The following PCDH10 variants were observed in gnomAD, a reference collection of about 807,000 sequenced individuals.
PCDH10 encodes the protein protocadherin-10.
In PCDH10, 15 loss-of-function variants were observed where a neutral mutation model predicts 74.4. That is an observed-to-expected ratio of 0.20 (90% confidence interval 0.13 to 0.31). PCDH10 has a LOEUF of 0.31. PCDH10 is among the 10% of genes least tolerant of loss of function. The pLI, the probability that PCDH10 is intolerant of heterozygous loss-of-function variation, is 1.00. For synonymous variants in PCDH10, 619 were observed against 589.8 expected (o/e 1.05, Z -0.72); for missense variants, 1,260 against 1,390.2 (o/e 0.91, Z 1.49).
chr4:133,155,168 A>G, intron 3 of PCDH10, 145 bp downstream of exon 3: 1 of 655,922 alleles, frequency 1.5e-6, no homozygotes, highest in Middle Eastern at 2.8e-4. Flanking sequence ...CTCTACTTTG[A>G]TATTTGCAGA....
At chr4:133,195,062 A>T (rs1727768029), downstream of PCDH10, among the ~76,000 whole-genome samples, 1 of 152,066 alleles carries the variant, frequency 6.6e-6, no homozygotes, top group Non-Finnish European at 1.5e-5. Flanking sequence ...TTTAAAGTTG[A>T]TAGAAATGTA....
At chr4:133,164,152 C>A (rs34777205) in intron 4 of PCDH10, 7,288 of 342,692 alleles carry the variant, frequency 0.021, 289 homozygotes, top group East Asian at 0.18. Context: ...CACTTCAGAA[C>A]CAAAAAATCA....
chr4:133,171,489 C>G (rs1727202385), intron 4 of PCDH10, among the ~76,000 whole-genome samples: 1 of 152,086 alleles, frequency 6.6e-6, no homozygotes, highest in Admixed American at 6.6e-5. Flanking sequence ...GAGGTGCTCT[C>G]CTCTTCTAAC....
chr4:133,171,570 G>A (rs1727203781), intron 4 of PCDH10, among the ~76,000 whole-genome samples: 1 of 152,060 alleles, frequency 6.6e-6, no homozygotes, highest in Admixed American at 6.6e-5. Context: ...GGCAACAGTA[G>A]ACAAAATAGA....
chr4:133,208,243 G>A (rs1217372019), exon 3 of PCDH10: 1 of 152,164 alleles, frequency 6.6e-6, no homozygotes, highest in African/African-American at 2.4e-5. Flanking sequence ...TTAGCCAGAG[G>A]CACCCAGTTA....
intron 2 of PCDH10, among the ~76,000 whole-genome samples, chr4:133,203,406 C>T (rs1419238258): frequency 6.6e-6 from 1 of 152,040 alleles, no homozygotes. Context: ...AGGTTAGGGG[C>T]CTTTTCCAAG....
At chr4:133,174,429 CAT>C (rs1373477537) in intron 4 of PCDH10, among the ~76,000 whole-genome samples, 1 of 151,680 alleles carries the variant, frequency 6.6e-6, no homozygotes, top group Non-Finnish European at 1.5e-5. Context: ...GTTGGCTAAA[CAT>C]TAATACTAAA....
chr4:133,187,229 T>C (rs1475895408), intron 4 of PCDH10, among the ~76,000 whole-genome samples: 3 of 152,090 alleles, frequency 2.0e-5, no homozygotes, highest in Non-Finnish European at 4.4e-5. Flanking sequence ...AAAGCAAAAC[T>C]TGAATTTGCC....
At chr4:133,194,864 C>A (rs1727762504), downstream of PCDH10, among the ~76,000 whole-genome samples, 1 of 151,642 alleles carries the variant, frequency 6.6e-6, no homozygotes, top group Admixed American at 6.6e-5. Flanking sequence ...CTCATGATAC[C>A]CAAAATGAAT....
At chr4:133,196,879 T>C (rs1391674496), downstream of PCDH10, among the ~76,000 whole-genome samples, 3 of 152,240 alleles carry the variant, frequency 2.0e-5, no homozygotes, top group African/African-American at 7.2e-5. Flanking sequence ...TAAACTTTTT[T>C]CAACATTTAA....
Position 133,155,041 on chromosome 4 carries a change from G to C in PCDH10, c.2797+18G>C. 1 of 1,469,390 alleles carries C rather than the reference G, an allele frequency of 6.8e-7. No individual in the cohort carries two copies. Among genetic ancestry groups the C allele is most frequent in the East Asian group, 2.3e-5 (1 of 44,054 alleles). 91.0% of individuals were successfully genotyped at this position (1,469,390 alleles called of 1,614,324 possible). On this transcript the variant is annotated intron_variant, in intron 3 of 4. Coordinates refer to ENST00000264360, the MANE Select transcript of PCDH10 (RefSeq NM_032961.3). Reference sequence around the variant, plus strand: ...GTCAGCTGGTAAGTGTGATCAAAGGGCAATCTAAATGCTAACTTTTATAGT... The same window carrying C: ...GTCAGCTGGTAAGTGTGATCAAAGGCCAATCTAAATGCTAACTTTTATAGT...
At position 133,190,699 on chromosome 4, in the gene PCDH10, A is replaced by G. The variant is rs1426918458; in HGVS notation, c.*539A>G. 1 of 152,066 alleles carries G rather than the reference A, an allele frequency of 6.6e-6. No homozygotes were observed. The highest frequency in any genetic ancestry group is 1.5e-5 in the Non-Finnish European group (1 of 67,930). The allele number at this position is 152,066 out of a possible 1,614,324, so 9.4% of individuals were successfully genotyped here. On this transcript the variant is annotated 3_prime_UTR_variant, in exon 5 of 5. Transcript: ENST00000264360. ...ATATCAAAGACATTCTGTAGTTTATACACCGTGTTGCAAAGTGTTTACTGT... is the reference window on the plus strand; with the variant it reads ...ATATCAAAGACATTCTGTAGTTTATGCACCGTGTTGCAAAGTGTTTACTGT...
chr4:133,185,261 A>C (rs1727521864), intron 4 of PCDH10, among the ~76,000 whole-genome samples: 1 of 151,028 alleles, frequency 6.6e-6, no homozygotes, highest in South Asian at 2.1e-4. Context: ...TAAAATCCAA[A>C]CAATATACAA....
chr4:133,150,764 TG>T lies in PCDH10; in HGVS notation c.629del (p.Gly210GlufsTer3). 2.3e-6 allele frequency: 2 copies of T among 881,734 alleles called. No homozygotes were observed. The allele number at this position is 881,734 out of a possible 1,614,324, so 54.6% of individuals were successfully genotyped here. On this transcript the variant is annotated frameshift_variant, in exon 1 of 5. Transcript: ENST00000264360. LOFTEE classifies it high-confidence loss of function. ...TGCTGACCGCGGTGGACGGAGGAGGTGGGGGAGGAGTAGGAGAAGGAGGGGG... is the reference window on the plus strand; with the variant it reads ...TGCTGACCGCGGTGGACGGAGGAGGTGGGGAGGAGTAGGAGAAGGAGGGGG... ...YVLTAVDGGGGGGVGEGGGGG... is the reference protein window; with the variant it reads ...YVLTAVDGGGXGGVGEGGGGG...
intron 2 of PCDH10, among the ~76,000 whole-genome samples, chr4:133,206,910 G>T (rs1287664408): frequency 6.6e-6 from 1 of 151,878 alleles, no homozygotes; most frequent in East Asian, 1.9e-4. Flanking sequence ...TGTTGTTAGG[G>T]CTATATAGAA....
rs548943717 is a variant in PCDH10 at position 133,174,099 on chromosome 4, A to G, written c.3103+10817A>G. ...GAATTTTCACTTTTGGTATCACGTC[A>G]TCCTCTATTGAAGTTTAAGGCAATC... On this transcript the variant is annotated intron_variant, in intron 4 of 4. Coordinates refer to ENST00000264360, the MANE Select transcript of PCDH10 (RefSeq NM_032961.3). Among the ~76,000 whole-genome samples the G allele has an allele frequency of 3.9e-5, 6 of 152,080 alleles. No individual in the cohort carries two copies. In the East Asian group the frequency reaches 9.7e-4, roughly 24 times the overall value.
intron 4 of PCDH10, among the ~76,000 whole-genome samples, chr4:133,174,019 A>G (rs1727246627): frequency 6.6e-6 from 1 of 151,966 alleles, no homozygotes; most frequent in Admixed American, 6.6e-5. Flanking sequence ...TAGATGAAAA[A>G]TATCTTAACC....
chr4:133,191,962 TATACACACAC>T lies in PCDH10; in HGVS notation c.*1804_*1813del, dbSNP rs60552521. On this transcript the variant is annotated 3_prime_UTR_variant, in exon 5 of 5. Transcript: ENST00000264360. The stretch of plus-strand genomic sequence containing the variant: ...TAGATTTAACTTTAAAATACATATA[TATACACACAC>T]ACACACACACACACACACACACACT... 67,465 of 139,358 alleles carry T rather than the reference TATACACACAC, an allele frequency of 0.48. 17,186 individuals are homozygous for T. The highest frequency in any genetic ancestry group is 0.59 in the Admixed American group (8,557 of 14,498). The allele number at this position is 139,358 out of a possible 1,614,324, so 8.6% of individuals were successfully genotyped here.
At chr4:133,175,594 G>A (rs768841069) in intron 4 of PCDH10, among the ~76,000 whole-genome samples, 5 of 151,940 alleles carry the variant, frequency 3.3e-5, no homozygotes, top group African/African-American at 9.7e-5. Flanking sequence ...TTAAGAGATC[G>A]CCATAGGAAA....
Sources: allele counts gnomAD v4.1 joint callset (sites outside exome capture counted in the v4.1 genomes callset), GRCh38; gene constraint gnomAD v4.1.1; transcripts MANE v1.5; gene names NCBI Gene and HGNC (gene_info 2026-07-23, HGNC 2026-07-21).